Variants in RANBP2 observed in about 807,000 individuals in gnomAD.
RANBP2 encodes RAN binding protein 2.
In RANBP2, 57 loss-of-function variants were observed where a neutral mutation model predicts 303.6. The ratio of observed to expected loss-of-function variants is 0.19; its 90% CI spans 0.15 to 0.23. RANBP2 has a LOEUF of 0.23. Among genes scored for constraint, RANBP2 ranks in the 10% least tolerant of loss-of-function variants. RANBP2 has a pLI of 1.00. For missense variants in RANBP2, 3,138 were observed against 3,780.8 expected (o/e 0.83, Z 4.46); for synonymous variants, 1,167 against 1,301.5 (o/e 0.90, Z 2.23).
At chr2:109,130,153 G>T in the RANBP2 span, 1 of 1,273,586 alleles carries the variant, frequency 7.9e-7, no homozygotes, top group Admixed American at 4.2e-5. Context: ...CGGCACGTGG[G>T]AGTGTGTGGG....
the RANBP2 span, among the ~76,000 whole-genome samples, chr2:109,279,294 C>T: frequency 6.6e-6 from 1 of 152,194 alleles, no homozygotes; most frequent in South Asian, 2.1e-4. Context: ...AGGTTAACTG[C>T]TGCAAAGGGA....
chr2:108,829,395 A>C, the RANBP2 span, among the ~76,000 whole-genome samples: 3 of 152,342 alleles, frequency 2.0e-5, no homozygotes, highest in South Asian at 6.2e-4. Flanking sequence ...GCTTAACATC[A>C]CTACTCTCTA....
the RANBP2 span, among the ~76,000 whole-genome samples, chr2:109,201,604 A>G: frequency 1.1e-4 from 17 of 152,118 alleles, no homozygotes; most frequent in Non-Finnish European, 2.5e-4. Context: ...ATCTGGGACC[A>G]TGCCGGGCCT....
intron 8 of RANBP2, among the ~76,000 whole-genome samples, chr2:108,748,410 A>G (rs1675553820): frequency 1.4e-5 from 2 of 142,714 alleles, no homozygotes; most frequent in South Asian, 4.4e-4. Context: ...TTTAGTAGAG[A>G]TGGAGTTTCA....
chr2:108,734,816 A>T (rs2149124992), intron 4 of RANBP2, among the ~76,000 whole-genome samples: 1 of 152,154 alleles, frequency 6.6e-6, no homozygotes, highest in Non-Finnish European at 1.5e-5. Flanking sequence ...CGAGTGGAGG[A>T]TAACATCACT....
chr2:109,585,124 A>G, the RANBP2 span: 1 of 1,538,786 alleles, frequency 6.5e-7, no homozygotes, highest in Non-Finnish European at 8.8e-7. Context: ...GAAAACACAT[A>G]CCTCTCTTCT....
chr2:108,859,308 G>A, the RANBP2 span, among the ~76,000 whole-genome samples: 2 of 152,030 alleles, frequency 1.3e-5, no homozygotes, highest in African/African-American at 4.8e-5. Context: ...GTCCTTTGTT[G>A]GATGCAGAAT....
At chr2:108,798,731 A>T in the RANBP2 span, 9 of 545,356 alleles carry the variant, frequency 1.7e-5, 1 homozygote, top group Non-Finnish European at 2.8e-5. Flanking sequence ...ACACACACAC[A>T]CACACACACT....
At chr2:108,774,514 A>T (rs1033021533) in intron 23 of RANBP2, among the ~76,000 whole-genome samples, 1 of 152,086 alleles carries the variant, frequency 6.6e-6, no homozygotes, top group African/African-American at 2.4e-5. Context: ...TGAATTGAGA[A>T]GTATTTTCTG....
the RANBP2 span, among the ~76,000 whole-genome samples, chr2:109,110,086 T>C: frequency 1.3e-5 from 2 of 152,234 alleles, no homozygotes; most frequent in Non-Finnish European, 2.9e-5. Context: ...AGGTCTTGCT[T>C]GAGACAAAAC....
At chr2:108,861,007 C>T in the RANBP2 span, among the ~76,000 whole-genome samples, 1 of 118,610 alleles carries the variant, frequency 8.4e-6, no homozygotes, top group African/African-American at 3.2e-5. Flanking sequence ...GAGCTCAATA[C>T]TGGTCTGTTC....
the RANBP2 span, among the ~76,000 whole-genome samples, chr2:109,064,479 A>AAAAAAAC: frequency 9.2e-5 from 13 of 140,960 alleles, no homozygotes; most frequent in African/African-American, 2.4e-4. Flanking sequence ...AAACAAAAAC[A>AAAAAAAC]AACTGGTAAA....
At chr2:109,249,757 C>T in the RANBP2 span, among the ~76,000 whole-genome samples, 185 of 151,816 alleles carry the variant, frequency 1.2e-3, no homozygotes, top group African/African-American at 4.0e-3. Context: ...TCCAGGTTCA[C>T]GCCATTCTCC....
chr2:109,059,093 A>T, the RANBP2 span, among the ~76,000 whole-genome samples: 1 of 152,058 alleles, frequency 6.6e-6, no homozygotes, highest in Non-Finnish European at 1.5e-5. Context: ...TATCGTTCCA[A>T]AGCGGGGGTG....
the RANBP2 span, among the ~76,000 whole-genome samples, chr2:109,422,550 C>T: frequency 3.3e-5 from 5 of 152,190 alleles, no homozygotes; most frequent in East Asian, 1.9e-4. Flanking sequence ...TGCATGGAGG[C>T]GACTGTGAGT....
At chr2:109,686,034 T>G in the RANBP2 span, among the ~76,000 whole-genome samples, 2 of 152,202 alleles carry the variant, frequency 1.3e-5, no homozygotes, top group African/African-American at 4.8e-5. Context: ...ATTTCATAAA[T>G]TTTAGAATTT....
At chr2:109,615,550 T>C in the RANBP2 span, 1 of 1,613,792 alleles carries the variant, frequency 6.2e-7, no homozygotes, top group Non-Finnish European at 8.5e-7. Flanking sequence ...CACGGCCACG[T>C]GGAGGTGGTG....
the RANBP2 span, among the ~76,000 whole-genome samples, chr2:108,950,145 C>G: frequency 6.6e-6 from 1 of 152,200 alleles, no homozygotes; most frequent in Admixed American, 6.5e-5. Flanking sequence ...CCCTACAAGG[C>G]AGAACAGATG....
the RANBP2 span, among the ~76,000 whole-genome samples, chr2:109,364,383 G>A: frequency 6.6e-6 from 1 of 152,164 alleles, no homozygotes; most frequent in African/African-American, 2.4e-5. Context: ...ATGCTGTCTA[G>A]TTCAAACATT....
Sources: gnomAD v4.1 joint callset for allele counts (sites outside exome capture counted in the v4.1 genomes callset) on GRCh38, gnomAD v4.1.1 for gene constraint, MANE v1.5 for transcripts, NCBI Gene and HGNC (gene_info 2026-07-23, HGNC 2026-07-21) for gene names.